Variants in DCTN4 observed in about 807,000 individuals in gnomAD.
DCTN4 encodes the protein dynactin 4 (p62).
In DCTN4, 23 loss-of-function variants were observed where a neutral mutation model predicts 62.7. That is an observed-to-expected ratio of 0.37 (90% CI 0.26 to 0.52). The LOEUF is 0.52. Ranked by LOEUF, DCTN4 falls within the 20% of genes least tolerant of loss-of-function variation. The pLI is 0.92. For synonymous variants in DCTN4, 199 were observed against 202.1 expected (o/e 0.98, Z 0.13); for missense variants, 514 against 580.4 (o/e 0.89, Z 1.18).
chr5:150,746,740 C>G (rs1328632126), intron 3 of DCTN4, among the ~76,000 whole-genome samples: 5 of 152,116 alleles, frequency 3.3e-5, no homozygotes, highest in Non-Finnish European at 7.4e-5. Flanking sequence ...ATTCAACAGC[C>G]CTTCATGCTA....
chr5:150,731,966 G>C, intron 5 of DCTN4: 1 of 1,466,190 alleles, frequency 6.8e-7, no homozygotes, highest in Non-Finnish European at 9.3e-7. Context: ...GCATAAGATA[G>C]AAGCAAACGC....
At position 150,717,289 on chromosome 5, in the gene DCTN4, G is replaced by A. The variant is rs372925476; in HGVS notation, c.1071+987C>T. Among the ~76,000 whole-genome samples the A allele has an allele frequency of 2.2e-4, 34 of 152,184 alleles. 1 individual carries two copies. The East Asian group carries it at 2.3e-3, about 10-fold the overall frequency. ...TTTGAGATGGAGTCTCACCTCAGCC[G>A]CCCAGGCTGGAGTGCAGTGGCGCGA... On this transcript the variant is annotated intron_variant, in intron 11 of 12. Transcript: ENST00000447998.
intron 12 of DCTN4, among the ~76,000 whole-genome samples, chr5:150,711,781 A>G (rs1055699780): frequency 6.6e-6 from 1 of 152,096 alleles, no homozygotes; most frequent in African/African-American, 2.4e-5. Context: ...TGGCCTCCAA[A>G]AGTGCTGGGA....
At chr5:150,745,881 A>T (rs532232696) in intron 3 of DCTN4, among the ~76,000 whole-genome samples, 17 of 152,250 alleles carry the variant, frequency 1.1e-4, no homozygotes, top group Admixed American at 6.5e-4. Context: ...AATTAAAAGA[A>T]CTAGAAAAGC....
intron 2 of DCTN4, among the ~76,000 whole-genome samples, chr5:150,754,453 G>C (rs1752785194): frequency 6.6e-6 from 1 of 152,132 alleles, no homozygotes; most frequent in Non-Finnish European, 1.5e-5. Flanking sequence ...GGTTATCAGG[G>C]GTTACTTCTC....
At chr5:150,735,704 G>C (rs1465221481) in intron 4 of DCTN4, among the ~76,000 whole-genome samples, 1 of 152,148 alleles carries the variant, frequency 6.6e-6, no homozygotes, top group Non-Finnish European at 1.5e-5. Context: ...CTACCCAAAT[G>C]AGAAGGAACC....
chr5:150,720,566 C>T (rs1200830686), intron 9 of DCTN4, among the ~76,000 whole-genome samples: 1 of 151,490 alleles, frequency 6.6e-6, no homozygotes, highest in Non-Finnish European at 1.5e-5. Flanking sequence ...GAAGCCTCGA[C>T]CCCCCAGGCT....
At chr5:150,723,005 G>T in intron 8 of DCTN4, 25 bp from the exon 9 acceptor site, 1 of 1,514,398 alleles carries the variant, frequency 6.6e-7, no homozygotes, top group Non-Finnish European at 9.1e-7. Flanking sequence ...AATATAACAC[G>T]TATCAGAAGA....
intron 8 of DCTN4, among the ~76,000 whole-genome samples, chr5:150,728,574 A>G (rs148261938): frequency 6.6e-6 from 1 of 152,278 alleles, no homozygotes; most frequent in African/African-American, 2.4e-5. Context: ...TGAGTCTATT[A>G]TTCAGTGCAC....
At chr5:150,722,000 A>AT (rs1759969829) in intron 9 of DCTN4, among the ~76,000 whole-genome samples, 2 of 151,918 alleles carry the variant, frequency 1.3e-5, no homozygotes, top group African/African-American at 2.4e-5. Flanking sequence ...AATTTTAAAA[A>AT]TTTTTTGTAG....
chr5:150,710,504 C>A lies in DCTN4; in HGVS notation c.*645G>T, dbSNP rs1010554608. 1.3e-5 allele frequency: 2 copies of A among 152,512 alleles called. No individual in the cohort carries two copies. Among genetic ancestry groups the A allele is most frequent in the East Asian group, 3.7e-4 (2 of 5,340 alleles). The allele number at this position is 152,512 out of a possible 1,614,324, so 9.4% of individuals were successfully genotyped here. ...GGAAAAAAATTAAGAACAACTAATA[C>A]GTGTCCTGTATTCACTTAGAAAAAG... On this transcript the variant is annotated 3_prime_UTR_variant, in exon 13 of 13. Coordinates refer to ENST00000447998, the MANE Select transcript of DCTN4 (RefSeq NM_016221.4).
intron 8 of DCTN4, among the ~76,000 whole-genome samples, chr5:150,726,702 T>G (rs1198618503): frequency 6.6e-6 from 1 of 152,164 alleles, no homozygotes; most frequent in Non-Finnish European, 1.5e-5. Context: ...AGCAAAGGTA[T>G]TACCTTCCTT....
intron 10 of DCTN4, among the ~76,000 whole-genome samples, chr5:150,718,772 G>A (rs1581566738): frequency 6.6e-6 from 1 of 152,168 alleles, no homozygotes; most frequent in African/African-American, 2.4e-5. Flanking sequence ...CATGAACAGA[G>A]CAAAAATGGC....
In DCTN4 at chr5:150,725,559, GT is replaced by G. The variant is rs550198795; in HGVS notation, c.835-2580del. On this transcript the variant is annotated intron_variant, in intron 8 of 12. Coordinates refer to ENST00000447998, the MANE Select transcript of DCTN4 (RefSeq NM_016221.4). ...ACACCTGTTCTCTTTGGACTTTGCT[GT>G]TTTTTTTCTAACTTCTTGAAATGGA... Among the ~76,000 whole-genome samples the G allele has an allele frequency of 2.3e-3, 350 of 151,078 alleles. 1 individual carries two copies. Among genetic ancestry groups the G allele is most frequent in the African/African-American group, 8.0e-3 (331 of 41,210 alleles).
intron 2 of DCTN4, 45 bp downstream of exon 2, chr5:150,756,372 A>T (rs1752863199): frequency 7.2e-7 from 1 of 1,380,742 alleles, no homozygotes; most frequent in Non-Finnish European, 9.9e-7. Context: ...TTTAGAGAAC[A>T]GTCAAGGAAA....
intron 3 of DCTN4, among the ~76,000 whole-genome samples, chr5:150,751,620 C>T (rs1370790498): frequency 6.6e-6 from 1 of 152,136 alleles, no homozygotes; most frequent in Non-Finnish European, 1.5e-5. Context: ...AAAACATATA[C>T]ACATAAATAC....
intron 3 of DCTN4, among the ~76,000 whole-genome samples, chr5:150,751,424 C>T (rs528170400): frequency 3.9e-5 from 6 of 152,262 alleles, no homozygotes; most frequent in African/African-American, 1.4e-4. Context: ...AAAACACTCA[C>T]TAACAGAGTA....
intron 3 of DCTN4, among the ~76,000 whole-genome samples, chr5:150,745,431 C>A (rs1760924418): frequency 6.6e-6 from 1 of 152,044 alleles, no homozygotes; most frequent in Non-Finnish European, 1.5e-5. Context: ...CAGCTCTGCA[C>A]CAACCAGACC....
At chr5:150,724,246 T>C (rs1232576971) in intron 8 of DCTN4, among the ~76,000 whole-genome samples, 1 of 152,222 alleles carries the variant, frequency 6.6e-6, no homozygotes, top group Non-Finnish European at 1.5e-5. Flanking sequence ...ATATCTTTCA[T>C]ATTTATTGGC....
Sources: allele counts gnomAD v4.1 joint callset (sites outside exome capture counted in the v4.1 genomes callset), GRCh38; gene constraint gnomAD v4.1.1; transcripts MANE v1.5; gene names NCBI Gene and HGNC (gene_info 2026-07-23, HGNC 2026-07-21).